RPS6KA1: variants seen among roughly 807,000 people sequenced by gnomAD.
RPS6KA1 encodes ribosomal protein S6 kinase alpha-1.
A neutral mutation model predicts 91.3 loss-of-function variants in RPS6KA1; 48 were observed. That is an observed-to-expected ratio of 0.53 (90% CI 0.42 to 0.67). The LOEUF is 0.67. RPS6KA1 is among the 30% of genes least tolerant of loss of function. RPS6KA1 has a pLI of 0.00. For synonymous variants in RPS6KA1, 359 were observed against 384.7 expected (o/e 0.93, Z 0.78); for missense variants, 719 against 960.5 (o/e 0.75, Z 3.32).
chr1:26,554,298 C>A lies in RPS6KA1; in HGVS notation c.613+47C>A. The A allele has an allele frequency of 6.5e-7, 1 of 1,540,196 alleles. No homozygotes were observed. Among genetic ancestry groups the A allele is most frequent in the East Asian group, 2.4e-5 (1 of 41,146 alleles). On this transcript the variant is annotated intron_variant, in intron 8 of 21. Coordinates refer to ENST00000374168, the MANE Select transcript of RPS6KA1 (RefSeq NM_002953.4). The surrounding 1 kb of genome is among the most constrained non-coding windows in gnomAD (Gnocchi z 4.6). ...CCTCGGGACCCAGGGGAGGACAGGA[C>A]AAGGTCATGATAGGTCTCGGCTGAG...
chr1:26,555,456 A>G lies in RPS6KA1; in HGVS notation c.828-81A>G. 7.3e-7 allele frequency: 1 copy of G among 1,367,230 alleles called. No homozygotes were observed. The highest frequency in any genetic ancestry group is 1.0e-6 in the Non-Finnish European group (1 of 981,274). 84.7% of individuals were successfully genotyped at this position (1,367,230 alleles called of 1,614,324 possible). A position where few individuals can be genotyped will look rare whatever the true frequency, so the allele number is the denominator to read the frequency against. Reference sequence around the variant, plus strand: ...GATGGCTTGTCTAGACTGAGCTGGGAACTAGATCTGGACAGGGGCCGGGGG... The same window carrying G: ...GATGGCTTGTCTAGACTGAGCTGGGGACTAGATCTGGACAGGGGCCGGGGG... On this transcript the variant is annotated intron_variant, in intron 10 of 21. Transcript: ENST00000374168. This position sits in a 1 kb window ranked among gnomAD's most constrained non-coding sequence, Gnocchi z 4.3.
Position 26,571,446 on chromosome 1 carries a change from T to C in RPS6KA1, c.1591-3T>C. On this transcript the variant is annotated splice_region_variant and splice_polypyrimidine_tract_variant and intron_variant, in intron 17 of 21. Coordinates refer to ENST00000374168, the MANE Select transcript of RPS6KA1 (RefSeq NM_002953.4). The surrounding 1 kb of genome is among the most constrained non-coding windows in gnomAD (Gnocchi z 5.1). ...AGAACTGACCCCAGCCCCCTGCCCC[T>C]AGGTTGTGCACAGGGACCTGAAGCC... 1 of 1,613,966 alleles carries C rather than the reference T, an allele frequency of 6.2e-7. No homozygotes were observed.
chr1:26,542,113 G>A (rs901972975), intron 2 of RPS6KA1, among the ~76,000 whole-genome samples: 10 of 152,190 alleles, frequency 6.6e-5, no homozygotes, highest in African/African-American at 9.7e-5. Flanking sequence ...ACAGAGGCTC[G>A]TGTGGACTAG....
intron 2 of RPS6KA1, among the ~76,000 whole-genome samples, chr1:26,544,650 A>G (rs2075976565): frequency 6.6e-6 from 1 of 151,304 alleles, no homozygotes; most frequent in South Asian, 2.1e-4. Flanking sequence ...AATTTTTTGT[A>G]TTTTTAGTAG....
Position 26,555,318 on chromosome 1 carries a change from C to A in RPS6KA1, c.827+97C>A. Reference sequence around the variant, plus strand: ...TATTACCCTGTCCCTGCCTCAGCTACCCTCTCTAATGAGACTCTCCTCTGG... The same window carrying A: ...TATTACCCTGTCCCTGCCTCAGCTAACCTCTCTAATGAGACTCTCCTCTGG... On this transcript the variant is annotated intron_variant, in intron 10 of 21. Transcript: ENST00000374168. The surrounding 1 kb of genome is among the most constrained non-coding windows in gnomAD (Gnocchi z 4.3). 4.1e-6 allele frequency: 5 copies of A among 1,212,074 alleles called. No homozygotes were observed. The highest frequency in any genetic ancestry group is 4.8e-6 in the Non-Finnish European group (4 of 838,080). 75.1% of individuals were successfully genotyped at this position (1,212,074 alleles called of 1,614,324 possible).
intron 20 of RPS6KA1, 52 bp downstream of exon 20, chr1:26,572,345 C>T: frequency 8.2e-7 from 1 of 1,223,802 alleles, no homozygotes; most frequent in Non-Finnish European, 1.2e-6. Flanking sequence ...GGCAGGGTCC[C>T]ATCCTAGGGC....
intron 4 of RPS6KA1, among the ~76,000 whole-genome samples, chr1:26,549,861 C>G (rs577369192): frequency 6.6e-6 from 1 of 151,030 alleles, no homozygotes; most frequent in Admixed American, 6.6e-5. Context: ...GCCACCACGC[C>G]TGGCTAATTT....
intron 6 of RPS6KA1, chr1:26,552,720 C>T (rs1452655726): frequency 1.3e-5 from 3 of 236,448 alleles, no homozygotes; most frequent in African/African-American, 2.3e-5. Flanking sequence ...CTCCTGACCT[C>T]GGGTGATCCG....
At position 26,558,141 on chromosome 1, in the gene RPS6KA1, C is replaced by A. The variant is rs1424996738; in HGVS notation, c.1085-666C>A. On this transcript the variant is annotated intron_variant, in intron 13 of 21. Transcript: ENST00000374168. This position sits in a 1 kb window ranked among gnomAD's most constrained non-coding sequence, Gnocchi z 4.0. Reference sequence around the variant, plus strand: ...AGAGACAGCACTTCTCCAAGCAGTCCGCTGGGCAACGTGACAAGTGCAGCT... The same window carrying A: ...AGAGACAGCACTTCTCCAAGCAGTCAGCTGGGCAACGTGACAAGTGCAGCT... 2.0e-5 allele frequency among the ~76,000 whole-genome samples: 3 copies of A among 152,076 alleles called. No individual in the cohort carries two copies. Among genetic ancestry groups the A allele is most frequent in the Non-Finnish European group, 2.9e-5 (2 of 68,020 alleles).
intron 15 of RPS6KA1, 57 bp from the exon 16 acceptor site, chr1:26,560,988 A>T: frequency 6.2e-7 from 1 of 1,600,354 alleles, no homozygotes; most frequent in Non-Finnish European, 8.6e-7. Context: ...CTCCATGGCC[A>T]GAAAGGACCC....
intron 17 of RPS6KA1, among the ~76,000 whole-genome samples, chr1:26,566,713 T>C (rs1463656263): frequency 2.6e-5 from 4 of 152,214 alleles, no homozygotes; most frequent in Admixed American, 6.5e-5. Flanking sequence ...TTTTTAAAAA[T>C]TGGTTGTCTT....
chr1:26,566,335 G>GT (rs2076201626), intron 17 of RPS6KA1, among the ~76,000 whole-genome samples: 1 of 146,648 alleles, frequency 6.8e-6, no homozygotes. Flanking sequence ...CCAGGCTGGA[G>GT]TGCAGTGGTG....
chr1:26,561,265 T>C lies in RPS6KA1; in HGVS notation c.1431+131T>C. 1.0e-6 allele frequency: 1 copy of C among 971,624 alleles called. No homozygotes were observed. 60.2% of individuals were successfully genotyped at this position (971,624 alleles called of 1,614,324 possible). ...TGTGGAGGGGAAGGAGGTCCCTTGG[T>C]CCCTTCAGTCTGCCCATACCCCAAG... On this transcript the variant is annotated intron_variant, in intron 16 of 21. Coordinates refer to ENST00000374168, the MANE Select transcript of RPS6KA1 (RefSeq NM_002953.4). The surrounding 1 kb of genome is among the most constrained non-coding windows in gnomAD (Gnocchi z 5.7).
Position 26,529,908 on chromosome 1 carries a change from T to C in RPS6KA1, c.-13T>C. 1 of 1,423,186 alleles carries C rather than the reference T, an allele frequency of 7.0e-7. No individual in the cohort carries two copies. Among genetic ancestry groups the C allele is most frequent in the Non-Finnish European group, 9.2e-7 (1 of 1,087,698 alleles). The allele number at this position is 1,423,186 out of a possible 1,614,324, so 88.2% of individuals were successfully genotyped here. On this transcript the variant is annotated 5_prime_UTR_variant, in exon 1 of 22. Transcript: ENST00000374168. This position sits in a 1 kb window ranked among gnomAD's most constrained non-coding sequence, Gnocchi z 4.2. ...GGCCGCCGGAGGAGCGCGGGTGACC[T>C]GGCGGCGGCGAGATGCCGCTCGCCC...
Position 26,554,616 on chromosome 1 carries a change from G to T in RPS6KA1, c.634G>T (p.Ala212Ser). ...KLTDFGLSKE[A>S]IDHEKKAYSF... is the part of the protein sequence containing the mutation. ...TGTAGACTTTGGCCTGAGCAAAGAG[G>T]CCATTGACCACGAGAAGAAGGCCTA... The change falls in exon 9 of 22, where the codon GCC (alanine) becomes TCC (serine). Residue 212 changes from alanine to serine, a missense_variant. Ala to Ser is a moderately conservative substitution (Grantham distance 99). Around this residue, in one of 5 missense-constraint regions of RPS6KA1, gnomAD observed 159 missense variants for 264.5 expected, o/e 0.60. Transcript: ENST00000374168. This position sits in a 1 kb window ranked among gnomAD's most constrained non-coding sequence, Gnocchi z 4.6. The T allele has an allele frequency of 1.2e-6, 2 of 1,613,498 alleles. 1 individual carries two copies. Among genetic ancestry groups the T allele is most frequent in the South Asian group, 2.2e-5 (2 of 91,062 alleles).
intron 4 of RPS6KA1, among the ~76,000 whole-genome samples, chr1:26,550,025 C>T (rs1163448836): frequency 6.7e-6 from 1 of 149,172 alleles, no homozygotes; most frequent in Non-Finnish European, 1.5e-5. Context: ...GATTACAGGC[C>T]CACGCCACCA....
chr1:26,573,160 T>G, intron 20 of RPS6KA1, 64 bp from the exon 21 acceptor site: 1 of 1,550,000 alleles, frequency 6.5e-7, no homozygotes, highest in Non-Finnish European at 8.8e-7. Flanking sequence ...TGCCCTCCTG[T>G]GCCCCATCAG....
rs573659816 is a variant in RPS6KA1, at chr1:26,561,925, A to G, written c.1590+262A>G. Among the ~76,000 whole-genome samples, 27 of 152,240 alleles carry G rather than the reference A, an allele frequency of 1.8e-4. No individual in the cohort carries two copies. The highest frequency in any genetic ancestry group is 6.3e-4 in the African/African-American group (26 of 41,546). ...TAGCATAAGATGAAGTTTCCAGACC[A>G]GGCATGGTAGCTCACGCCTGTAATC... On this transcript the variant is annotated intron_variant, in intron 17 of 21. Coordinates refer to ENST00000374168, the MANE Select transcript of RPS6KA1 (RefSeq NM_002953.4). The surrounding 1 kb of genome is among the most constrained non-coding windows in gnomAD (Gnocchi z 5.7).
At position 26,554,485 on chromosome 1, in the gene RPS6KA1, G is replaced by A; in HGVS notation, c.614-111G>A. ...TCTGGGCCTTAGCTTCCTCCTGAGT[G>A]TCATGGGGGTGATGCCTTCTGGCCT... is the stretch of plus-strand genomic sequence containing the variant. On this transcript the variant is annotated intron_variant, in intron 8 of 21. Transcript: ENST00000374168. The surrounding 1 kb of genome is among the most constrained non-coding windows in gnomAD (Gnocchi z 4.6). 1 of 1,409,158 alleles carries A rather than the reference G, an allele frequency of 7.1e-7. No homozygotes were observed. Among genetic ancestry groups the A allele is most frequent in the Non-Finnish European group, 9.7e-7 (1 of 1,028,400 alleles). 87.3% of individuals were successfully genotyped at this position (1,409,158 alleles called of 1,614,324 possible). A position where few individuals can be genotyped will look rare whatever the true frequency, so the allele number is the denominator to read the frequency against.
Sources: allele counts gnomAD v4.1 joint callset (sites outside exome capture counted in the v4.1 genomes callset), GRCh38; gene constraint gnomAD v4.1.1; regional missense constraint gnomAD v4.1.1; non-coding constraint Gnocchi (gnomAD v3.1); transcripts MANE v1.5; gene names NCBI Gene and HGNC (gene_info 2026-07-23, HGNC 2026-07-21).